The following MTUS2 variants were observed in gnomAD, a reference collection of about 807,000 sequenced individuals.
MTUS2 encodes the protein microtubule associated scaffold protein 2, also known as microtubule-associated tumor suppressor candidate 2.
Under a neutral mutation model 114.1 loss-of-function variants are expected in MTUS2, and 40 were observed. The ratio of observed to expected loss-of-function variants is 0.35; its 90% confidence interval spans 0.27 to 0.46. MTUS2 has a LOEUF of 0.46. MTUS2 is among the 20% of genes least tolerant of loss of function. The pLI, the probability that MTUS2 is intolerant of heterozygous loss-of-function variation, is 1.00. For synonymous variants in MTUS2, 688 were observed against 672.0 expected, an observed-to-expected ratio of 1.02 and a Z score of -0.37; for missense variants, 1,679 against 1,705.4, an observed-to-expected ratio of 0.98 and a Z score of 0.27.
chr13:28,890,816 A>G (rs1593274493), intron 2 of MTUS2, among the ~76,000 whole-genome samples: 1 of 152,140 alleles, frequency 6.6e-6, no homozygotes, highest in African/African-American at 2.4e-5. Context: ...TGTTGCCTAC[A>G]TTGCCCTAGA....
chr13:28,952,122 A>G (rs1016326396), intron 2 of MTUS2, among the ~76,000 whole-genome samples: 6 of 152,156 alleles, frequency 3.9e-5, no homozygotes, highest in African/African-American at 1.4e-4. Context: ...AAAAAAGAAA[A>G]TTTCTTTATT....
At chr13:29,285,109 A>G (rs1898425396) in intron 6 of MTUS2, among the ~76,000 whole-genome samples, 1 of 151,922 alleles carries the variant, frequency 6.6e-6, no homozygotes, top group Non-Finnish European at 1.5e-5. Context: ...AAAAAGGAAA[A>G]ACTGAAAGAG....
In MTUS2 at chr13:29,025,243, G is replaced by C. The variant is rs1158783992; in HGVS notation, c.545G>C (p.Ser182Thr). Reference sequence around the variant, plus strand: ...AGGCATTCTTTGGAAAGAGCAAGCAGCTCTGTAGCTGCAGTCGGGAGCCTG... The same window carrying C: ...AGGCATTCTTTGGAAAGAGCAAGCACCTCTGTAGCTGCAGTCGGGAGCCTG... ...LRRHSLERAS[S>T]SVAAVGSLTP... Residue 182 changes from serine (S) to threonine (T), a missense_variant, in exon 3 of 16, where the codon AGC (serine) becomes ACC (threonine). Coordinates refer to ENST00000612955, the MANE Select transcript of MTUS2 (RefSeq NM_001033602.4). The C allele has an allele frequency of 1.2e-6, 2 of 1,613,960 alleles. No individual in the cohort carries two copies. The highest frequency in any genetic ancestry group is 2.2e-5 in the South Asian group (2 of 91,072).
In MTUS2 at chr13:29,034,116, G is replaced by A. The variant is rs776054880; in HGVS notation, c.2437G>A (p.Asp813Asn). ...AACAGCCACCAGTCTCTACAGTTCC[G>A]ATCCTTCAGGTAACCGATCCAACAG... is the stretch of plus-strand genomic sequence containing the variant. The part of the protein sequence containing the change: ...ITTATSLYSS[D>N]PSADLKKASS... The change falls in exon 4 of 16, where the codon GAT becomes AAT. Residue 813 changes from aspartate (D) to asparagine (N), a missense_variant. By Grantham distance (23) the Asp-to-Asn change is conservative. This residue lies in a region of MTUS2 where 822 missense variants were observed against 899.7 expected (regional missense o/e 0.91). Coordinates refer to ENST00000612955, the MANE Select transcript of MTUS2 (RefSeq NM_001033602.4). 4 of 1,613,908 alleles carry A rather than the reference G, an allele frequency of 2.5e-6. No homozygotes were observed. The highest frequency in any genetic ancestry group is 1.7e-5 in the Admixed American group (1 of 60,014).
intron 5 of MTUS2, among the ~76,000 whole-genome samples, chr13:29,204,534 G>A (rs535694994): frequency 1.9e-4 from 29 of 152,294 alleles, no homozygotes; most frequent in African/African-American, 7.0e-4. Flanking sequence ...GAGGAGCCTT[G>A]GGAAGGGGCT....
intron 2 of MTUS2, among the ~76,000 whole-genome samples, chr13:28,923,244 A>C (rs772061581): frequency 1.3e-5 from 2 of 152,178 alleles, no homozygotes; most frequent in Non-Finnish European, 2.9e-5. Flanking sequence ...CTTGTCAGAG[A>C]ATGCTAACAT....
intron 2 of MTUS2, among the ~76,000 whole-genome samples, chr13:29,012,590 C>CA (rs1448314648): frequency 6.6e-6 from 1 of 152,072 alleles, no homozygotes; most frequent in African/African-American, 2.4e-5. Context: ...AGAGTGGGTC[C>CA]AGCCCGGGCG....
intron 8 of MTUS2, among the ~76,000 whole-genome samples, chr13:29,430,297 C>T (rs1252157688): frequency 4.6e-5 from 7 of 152,076 alleles, no homozygotes; most frequent in Non-Finnish European, 7.4e-5. Flanking sequence ...AAGTATGTTT[C>T]GAAAGGAGTC....
chr13:29,428,808 A>G (rs1280863783), intron 8 of MTUS2: 1 of 1,613,564 alleles, frequency 6.2e-7, no homozygotes, highest in Non-Finnish European at 8.5e-7. Context: ...GACACCTTGA[A>G]TGAAGGAGGT....
At chr13:29,425,121 A>G (rs1030762418) in intron 8 of MTUS2, among the ~76,000 whole-genome samples, 15 of 152,196 alleles carry the variant, frequency 9.9e-5, no homozygotes, top group African/African-American at 3.4e-4. Context: ...TAACATAGAA[A>G]TATTTTAACA....
At chr13:29,264,628 T>C (rs1404249039) in intron 5 of MTUS2, among the ~76,000 whole-genome samples, 2 of 152,382 alleles carry the variant, frequency 1.3e-5, no homozygotes, top group East Asian at 1.9e-4. Flanking sequence ...TGCACTCTTC[T>C]ATATACCTGA....
At chr13:29,028,817 A>G in intron 3 of MTUS2, among the ~76,000 whole-genome samples, 1 of 152,170 alleles carries the variant, frequency 6.6e-6, no homozygotes, top group East Asian at 1.9e-4. Context: ...GGTGCTTCTT[A>G]TAAGTATGTG....
intron 1 of MTUS2, among the ~76,000 whole-genome samples, chr13:28,835,775 T>C (rs1875038177): frequency 6.6e-6 from 1 of 152,192 alleles, no homozygotes; most frequent in Admixed American, 6.5e-5. Context: ...CAGTAAAATA[T>C]CTAGATTGGA....
chr13:29,035,506 G>A (rs1019377859), intron 4 of MTUS2, among the ~76,000 whole-genome samples: 4 of 152,192 alleles, frequency 2.6e-5, no homozygotes, highest in Non-Finnish European at 4.4e-5. Context: ...CAGGCAGCAG[G>A]CCCTTTCCCT....
At chr13:29,147,837 C>A (rs535922748) in intron 5 of MTUS2, among the ~76,000 whole-genome samples, 1 of 152,310 alleles carries the variant, frequency 6.6e-6, no homozygotes, top group South Asian at 2.1e-4. Context: ...TCCAGTCCAC[C>A]ATTGATGGTC....
At chr13:29,184,405 C>T (rs1225575369) in intron 5 of MTUS2, among the ~76,000 whole-genome samples, 1 of 152,066 alleles carries the variant, frequency 6.6e-6, no homozygotes, top group African/African-American at 2.4e-5. Context: ...ATCTAAAGAC[C>T]ATGCTTCTAC....
chr13:29,273,336 A>G (rs1397847083), intron 5 of MTUS2, among the ~76,000 whole-genome samples: 1 of 152,222 alleles, frequency 6.6e-6, no homozygotes, highest in Non-Finnish European at 1.5e-5. Flanking sequence ...ATGTAAGAAT[A>G]TGTTATCAGA....
chr13:28,889,028 C>T (rs1010553231), intron 2 of MTUS2, among the ~76,000 whole-genome samples: 5 of 152,110 alleles, frequency 3.3e-5, no homozygotes, highest in South Asian at 2.1e-4. Context: ...ATTGAAGTTC[C>T]GACAACCAAG....
intron 1 of MTUS2, among the ~76,000 whole-genome samples, chr13:28,833,404 A>G (rs1482459881): frequency 6.6e-6 from 1 of 152,172 alleles, no homozygotes; most frequent in African/African-American, 2.4e-5. Flanking sequence ...CTGGTTTAAC[A>G]TCTGAAAATC....
Sources: gnomAD v4.1 joint callset for allele counts (sites outside exome capture counted in the v4.1 genomes callset) on GRCh38, gnomAD v4.1.1 for gene constraint, gnomAD v4.1.1 regional missense constraint, MANE v1.5 for transcripts, NCBI Gene and HGNC (gene_info 2026-07-23, HGNC 2026-07-21) for gene names.